CHN2: variants seen among roughly 807,000 people sequenced by gnomAD.
CHN2 encodes the protein beta-chimaerin.
CHN2 carries 35 observed loss-of-function variants against 56.3 expected under a neutral mutation model. That is an observed-to-expected ratio of 0.62 (90% CI 0.47 to 0.82). The LOEUF (loss-of-function observed/expected upper bound fraction) is 0.82. CHN2 is among the 40% of genes least tolerant of loss of function. The pLI is 0.00. For missense variants in CHN2, 491 were observed against 580.5 expected, an observed-to-expected ratio of 0.85 and a Z score of 1.58; for synonymous variants, 210 against 212.8, an observed-to-expected ratio of 0.99 and a Z score of 0.12.
rs181936304 is a variant in CHN2 at position 29,366,775 on chromosome 7, C to T, written c.89-1157C>T. Among the ~76,000 whole-genome samples, 5 of 152,266 alleles carry T rather than the reference C, an allele frequency of 3.3e-5. No homozygotes were observed. The East Asian group carries it at 9.7e-4, about 29-fold the overall frequency. On this transcript the variant is annotated intron_variant, in intron 2 of 12. Transcript: ENST00000222792. ...TGTATAAAGGGTTAGATAGCTCCTT[C>T]TCTGTGCTAAAACCAGGTAGTCTAC...
chr7:29,486,364 C>T (rs1249423849), intron 7 of CHN2, among the ~76,000 whole-genome samples: 2 of 152,182 alleles, frequency 1.3e-5, no homozygotes, highest in South Asian at 2.1e-4. Flanking sequence ...GTTGTATGCA[C>T]CTGTGTTCAT....
intron 1 of CHN2, among the ~76,000 whole-genome samples, chr7:29,217,439 G>A (rs1260851719): frequency 2.6e-5 from 4 of 152,192 alleles, no homozygotes; most frequent in East Asian, 1.9e-4. Context: ...CATGACCTGC[G>A]TTAAAATGTG....
chr7:29,336,550 A>G (rs1344765073), intron 1 of CHN2, among the ~76,000 whole-genome samples: 3 of 152,086 alleles, frequency 2.0e-5, no homozygotes, highest in African/African-American at 7.2e-5. Context: ...GTTAGAGACC[A>G]GGAGTTCAAG....
chr7:29,500,165 G>A (rs541984734), intron 9 of CHN2, 125 bp downstream of exon 9: 162 of 584,458 alleles, frequency 2.8e-4, no homozygotes, highest in African/African-American at 2.6e-3. Flanking sequence ...GCATGTGTGC[G>A]CACACACACA....
chr7:29,394,571 A>C (rs576565351), intron 4 of CHN2, among the ~76,000 whole-genome samples: 1 of 152,188 alleles, frequency 6.6e-6, no homozygotes, highest in Non-Finnish European at 1.5e-5. Context: ...CCACAGCTGC[A>C]TTTCAGAACC....
intron 6 of CHN2, among the ~76,000 whole-genome samples, chr7:29,458,571 G>T (rs2128135821): frequency 6.6e-6 from 1 of 152,240 alleles, no homozygotes; most frequent in South Asian, 2.1e-4. Flanking sequence ...GAGTTAATGT[G>T]TGTGGAACAT....
At chr7:29,391,395 G>T (rs564419721) in intron 3 of CHN2, among the ~76,000 whole-genome samples, 4 of 150,986 alleles carry the variant, frequency 2.6e-5, no homozygotes, top group Admixed American at 6.6e-5. Context: ...GAAGGGAGGG[G>T]AGAAGAGAGG....
intron 7 of CHN2, chr7:29,484,057 T>A: frequency 2.1e-6 from 1 of 467,660 alleles, no homozygotes; most frequent in Non-Finnish European, 4.3e-6. Context: ...TTTTTCAGTC[T>A]TTTATTTTCT....
chr7:29,343,434 C>G (rs1797194173), intron 1 of CHN2, among the ~76,000 whole-genome samples: 1 of 152,080 alleles, frequency 6.6e-6, no homozygotes, highest in Non-Finnish European at 1.5e-5. Context: ...TTTCATTTCT[C>G]CATCAAACCT....
At chr7:29,256,611 A>C (rs919040551) in intron 1 of CHN2, among the ~76,000 whole-genome samples, 1 of 152,210 alleles carries the variant, frequency 6.6e-6, no homozygotes, top group Non-Finnish European at 1.5e-5. Context: ...ATTCTGCCAG[A>C]AGCTGGTGCT....
upstream of CHN2, among the ~76,000 whole-genome samples, chr7:29,191,262 A>T (rs1307631993): frequency 6.6e-6 from 1 of 152,200 alleles, no homozygotes; most frequent in Non-Finnish European, 1.5e-5. Flanking sequence ...AATGAAATAT[A>T]TACCAAAAGT....
At chr7:29,380,759 T>C (rs1237674181) in intron 3 of CHN2, 1 of 152,230 alleles carries the variant, frequency 6.6e-6, no homozygotes, top group Non-Finnish European at 1.5e-5. Context: ...AGTTTTCCCT[T>C]GATTTGATTC....
At chr7:29,279,415 A>G (rs2128857830) in intron 1 of CHN2, among the ~76,000 whole-genome samples, 1 of 152,398 alleles carries the variant, frequency 6.6e-6, no homozygotes. Flanking sequence ...ACGAAGTGCC[A>G]AGTTAGTTGT....
chr7:29,444,547 C>T lies in CHN2; in HGVS notation c.577-35732C>T, dbSNP rs143756936. On this transcript the variant is annotated intron_variant, in intron 6 of 12. Transcript: ENST00000222792. Reference sequence around the variant, plus strand: ...TGTCATCCTCAGTGCCTCATTCTCTCTCTCCACGTGACTTCTGTTTCCAGC... The same window carrying T: ...TGTCATCCTCAGTGCCTCATTCTCTTTCTCCACGTGACTTCTGTTTCCAGC... Among the ~76,000 whole-genome samples, 297 of 152,362 alleles carry T rather than the reference C, an allele frequency of 1.9e-3. 3 individuals carry two copies. Among genetic ancestry groups the T allele is most frequent in the Admixed American group, 0.018 (271 of 15,310 alleles).
intron 2 of CHN2, among the ~76,000 whole-genome samples, chr7:29,188,094 A>C (rs1206647362): frequency 6.6e-6 from 1 of 152,234 alleles, no homozygotes; most frequent in Non-Finnish European, 1.5e-5. Context: ...TTACTTTTGC[A>C]TCAGACTTTA....
At chr7:29,502,558 T>C (rs1790083121) in intron 9 of CHN2, among the ~76,000 whole-genome samples, 1 of 152,212 alleles carries the variant, frequency 6.6e-6, no homozygotes, top group African/African-American at 2.4e-5. Flanking sequence ...TGGCAACTTC[T>C]GCTACTCTGG....
At chr7:29,349,316 A>G (rs1797702676) in intron 1 of CHN2, among the ~76,000 whole-genome samples, 2 of 152,320 alleles carry the variant, frequency 1.3e-5, no homozygotes, top group South Asian at 4.1e-4. Flanking sequence ...ATAAATATTA[A>G]CCCATCCAGT....
intron 7 of CHN2, among the ~76,000 whole-genome samples, chr7:29,483,087 C>T (rs1001172753): frequency 1.3e-5 from 2 of 152,034 alleles, no homozygotes; most frequent in African/African-American, 4.8e-5. Context: ...TCCCAAAGTG[C>T]TAGGATTACA....
chr7:29,450,537 T>C (rs1784335039), intron 6 of CHN2, among the ~76,000 whole-genome samples: 1 of 152,138 alleles, frequency 6.6e-6, no homozygotes, highest in Non-Finnish European at 1.5e-5. Context: ...AGGCCAGGCA[T>C]GCAGGAAGCC....
Sources: allele counts gnomAD v4.1 joint callset (sites outside exome capture counted in the v4.1 genomes callset), GRCh38; gene constraint gnomAD v4.1.1; transcripts MANE v1.5; gene names NCBI Gene and HGNC (gene_info 2026-07-23, HGNC 2026-07-21).